Variants in GRID2 observed in about 807,000 individuals in gnomAD.
GRID2 encodes glutamate receptor ionotropic, delta-2.
Under a neutral mutation model 114.8 loss-of-function variants are expected in GRID2, and 33 were observed. The ratio of observed to expected loss-of-function variants is 0.29; its 90% confidence interval spans 0.22 to 0.38. The LOEUF (loss-of-function observed/expected upper bound fraction) is 0.38. Among genes scored for constraint, GRID2 ranks in the 10% least tolerant of loss-of-function variants. The pLI, the probability that GRID2 is intolerant of heterozygous loss-of-function variation, is 1.00. For synonymous variants in GRID2, 505 were observed against 449.9 expected (o/e 1.12, Z -1.55); for missense variants, 1,184 against 1,257.7 (o/e 0.94, Z 0.89).
At chr4:92,324,811 C>T (rs1401980554) in intron 1 of GRID2, among the ~76,000 whole-genome samples, 2 of 151,288 alleles carry the variant, frequency 1.3e-5, no homozygotes, top group African/African-American at 4.8e-5. Flanking sequence ...TTTTAATAGT[C>T]AAACATAGTT....
rs1386959025 is a variant in GRID2 at position 92,940,064 on chromosome 4, C to T, written c.245-144931C>T. 6.1e-5 allele frequency among the ~76,000 whole-genome samples: 9 copies of T among 146,840 alleles called. 2 individuals are homozygous for T. The highest frequency in any genetic ancestry group is 3.7e-4 in the Admixed American group (5 of 13,602). Reference sequence around the variant, plus strand: ...GGCGATGCAGGCTCTTTTTTGGTTCCATATGAAATTTAAAGTAGTTTTTTC... The same window carrying T: ...GGCGATGCAGGCTCTTTTTTGGTTCTATATGAAATTTAAAGTAGTTTTTTC... On this transcript the variant is annotated intron_variant, in intron 2 of 15. Transcript: ENST00000282020.
At chr4:93,034,545 C>G (rs1578806529) in intron 2 of GRID2, among the ~76,000 whole-genome samples, 1 of 152,128 alleles carries the variant, frequency 6.6e-6, no homozygotes, top group Admixed American at 6.6e-5. Context: ...CTACACGGCA[C>G]GTCTGTTGAT....
At chr4:93,073,632 A>C (rs577541121) in intron 2 of GRID2, among the ~76,000 whole-genome samples, 1 of 152,182 alleles carries the variant, frequency 6.6e-6, no homozygotes, top group Admixed American at 6.5e-5. Context: ...TTATCCCTAG[A>C]AAGTAAAAGC....
At chr4:93,091,882 CT>C (rs769188337) in intron 3 of GRID2, among the ~76,000 whole-genome samples, 4 of 152,110 alleles carry the variant, frequency 2.6e-5, no homozygotes, top group Admixed American at 1.3e-4. Flanking sequence ...GCCACACAGG[CT>C]GCTCTGGGGA....
rs181604612 is a variant in GRID2 at position 92,816,208 on chromosome 4, G to A, written c.244+225922G>A. 2.4e-3 allele frequency among the ~76,000 whole-genome samples: 359 copies of A among 150,644 alleles called. 1 individual carries two copies. Among genetic ancestry groups the A allele is most frequent in the African/African-American group, 8.0e-3 (330 of 41,230 alleles). On this transcript the variant is annotated intron_variant, in intron 2 of 15. Transcript: ENST00000282020. ...CACATGCGTGCAATCCCAGCTACTC[G>A]GGAGGCTGAGGCAGGAGAATCACTT...
chr4:92,462,467 G>A (rs1317955806), intron 1 of GRID2, among the ~76,000 whole-genome samples: 1 of 151,886 alleles, frequency 6.6e-6, no homozygotes, highest in Admixed American at 6.6e-5. Flanking sequence ...CTCTTTGCTG[G>A]AAGCAAAAAT....
chr4:92,646,143 G>A (rs1731608122), intron 2 of GRID2, among the ~76,000 whole-genome samples: 1 of 17,306 alleles, frequency 5.8e-5, no homozygotes, highest in Non-Finnish European at 1.7e-4. Flanking sequence ...TTGGGTGGGT[G>A]GGCTATCTCA....
At chr4:92,307,987 A>T (rs995451773) in intron 1 of GRID2, among the ~76,000 whole-genome samples, 2 of 152,178 alleles carry the variant, frequency 1.3e-5, no homozygotes, top group Non-Finnish European at 2.9e-5. Context: ...AGAACCAAAA[A>T]GTCGTGAGTG....
At chr4:93,458,492 A>G (rs1343684823) in intron 11 of GRID2, among the ~76,000 whole-genome samples, 1 of 152,168 alleles carries the variant, frequency 6.6e-6, no homozygotes, top group Non-Finnish European at 1.5e-5. Context: ...ACTTTCTCAC[A>G]GCATGGTAGT....
At chr4:92,780,961 A>G (rs1739046524) in intron 2 of GRID2, among the ~76,000 whole-genome samples, 1 of 152,092 alleles carries the variant, frequency 6.6e-6, no homozygotes, top group South Asian at 2.1e-4. Context: ...TTTTGCTTAA[A>G]CAACAGGTAC....
chr4:93,790,223 C>T (rs1734669957), intron 1 of GRID2, among the ~76,000 whole-genome samples: 1 of 151,270 alleles, frequency 6.6e-6, no homozygotes, highest in Non-Finnish European at 1.5e-5. Flanking sequence ...TCAGAAAATT[C>T]CAAGCATTCT....
chr4:93,151,133 A>AAAG (rs1553997016), intron 4 of GRID2, among the ~76,000 whole-genome samples: 1 of 151,286 alleles, frequency 6.6e-6, no homozygotes, highest in Non-Finnish European at 1.5e-5. Flanking sequence ...AAAAAAAAAA[A>AAAG]AAAGAAAGAA....
intron 8 of GRID2, among the ~76,000 whole-genome samples, chr4:93,366,341 C>T (rs181912513): frequency 3.1e-4 from 47 of 152,120 alleles, no homozygotes; most frequent in Admixed American, 3.0e-3. Flanking sequence ...TGGGCATGGT[C>T]ATCTCTTATG....
intron 2 of GRID2, among the ~76,000 whole-genome samples, chr4:92,864,899 A>T (rs988756793): frequency 3.0e-4 from 45 of 152,274 alleles, no homozygotes; most frequent in African/African-American, 9.9e-4. Flanking sequence ...TTGCCTAACT[A>T]ACCCGTCTAC....
intron 13 of GRID2, among the ~76,000 whole-genome samples, chr4:93,542,040 G>A (rs57322026): frequency 6.6e-6 from 1 of 152,100 alleles, no homozygotes; most frequent in Non-Finnish European, 1.5e-5. Flanking sequence ...GCCCAACTTG[G>A]GTCACTACCC....
At chr4:92,858,061 G>A (rs1182213556) in intron 2 of GRID2, among the ~76,000 whole-genome samples, 1 of 152,172 alleles carries the variant, frequency 6.6e-6, no homozygotes, top group Non-Finnish European at 1.5e-5. Flanking sequence ...GAGACATAGT[G>A]TTCAGAAAAC....
At chr4:93,635,641 T>C (rs1056330171) in intron 14 of GRID2, among the ~76,000 whole-genome samples, 1 of 151,760 alleles carries the variant, frequency 6.6e-6, no homozygotes, top group Non-Finnish European at 1.5e-5. Flanking sequence ...GAAAAATGAG[T>C]AAGCTTTTGT....
intron 1 of GRID2, among the ~76,000 whole-genome samples, chr4:92,377,966 T>C (rs920930672): frequency 1.3e-5 from 2 of 152,100 alleles, no homozygotes; most frequent in African/African-American, 2.4e-5. Flanking sequence ...ATGTGGTTAG[T>C]AGAATTTTGT....
chr4:93,550,695 T>TA (rs1733672060), intron 13 of GRID2, among the ~76,000 whole-genome samples: 1 of 152,184 alleles, frequency 6.6e-6, no homozygotes, highest in Non-Finnish European at 1.5e-5. Context: ...TGAGCCCTCT[T>TA]TAAAAGATAT....
Sources: allele counts gnomAD v4.1 joint callset (sites outside exome capture counted in the v4.1 genomes callset), GRCh38; gene constraint gnomAD v4.1.1; transcripts MANE v1.5; gene names NCBI Gene and HGNC (gene_info 2026-07-23, HGNC 2026-07-21).